The following ZNF208 variants were observed in gnomAD, a reference collection of about 807,000 sequenced individuals.
The protein encoded by ZNF208 is zinc finger protein 95.
Under a neutral mutation model 12.1 loss-of-function variants are expected in ZNF208, and 10 were observed. The observed-to-expected ratio is 0.83, with a 90% confidence interval of 0.51 to 1.40. The LOEUF is 1.40. ZNF208 is among the 40% of genes most tolerant of loss of function. The probability of loss-of-function intolerance (pLI) is 0.00; values close to 1 mark genes in which losing one functional copy is unlikely to be tolerated. For synonymous variants in ZNF208, 497 were observed against 488.4 expected, an observed-to-expected ratio of 1.02 and a Z score of -0.23; for missense variants, 1,652 against 1,485.0, an observed-to-expected ratio of 1.11 and a Z score of -1.85.
At chr19:21,958,640 C>G (rs574014724) in intron 4 of ZNF208, among the ~76,000 whole-genome samples, 1 of 152,168 alleles carries the variant, frequency 6.6e-6, no homozygotes, top group South Asian at 2.1e-4. Flanking sequence ...TTCTTTTTCC[C>G]TAAAAACTAT....
chr19:22,000,031 T>TA (rs1454556946), intron 1 of ZNF208, among the ~76,000 whole-genome samples: 3 of 152,092 alleles, frequency 2.0e-5, no homozygotes, highest in Non-Finnish European at 4.4e-5. Context: ...GAAGGTGTTA[T>TA]AAAAAAACTC....
rs762920895 is a variant in ZNF208 at position 21,971,654 on chromosome 19, A to T, written c.3380T>A (p.Ile1127Asn). The T allele has an allele frequency of 1.9e-5, 31 of 1,610,982 alleles. No homozygotes were observed. The South Asian group carries it at 3.4e-4, about 18-fold the overall frequency. The stretch of plus-strand genomic sequence containing the variant: ...ATGAATTACCTTATGTTTAGTAAGG[A>T]TTGAGAACGTACTAAAGCTTTTGCC... Reference protein sequence around the residue: ...ECGKSFSTFSILTKHKVIHTG... With the variant: ...ECGKSFSTFSNLTKHKVIHTG... Residue 1127 changes from isoleucine to asparagine, a missense_variant, in exon 4 of 4, where the codon ATC (isoleucine) becomes AAC (asparagine). This residue lies in a region of ZNF208 where 1,239 missense variants were observed against 1,086.2 expected (regional missense o/e 1.14). Transcript: ENST00000397126.
rs111366523 is a variant in ZNF208 at position 21,944,846 on chromosome 19, A to C, written c.306-11609T>G. ...ATTGAGGAAGGATGGGTAGTCAAGA[A>C]AGTGACTATGTCTTTGGGATGCAGC... On this transcript the variant is annotated intron_variant, in intron 4 of 4. Coordinates refer to the ZNF208 transcript ENST00000599916. 9.5e-3 allele frequency among the ~76,000 whole-genome samples: 1,445 copies of C among 152,318 alleles called. 22 individuals are homozygous for C. Among genetic ancestry groups the C allele is most frequent in the African/African-American group, 0.034 (1,397 of 41,572 alleles).
Position 21,974,104 on chromosome 19 carries a change from C to G in ZNF208, c.930G>C (p.Glu310Asp), listed in dbSNP as rs1166721702. 1 of 1,578,226 alleles carries G rather than the reference C, an allele frequency of 6.3e-7. No homozygotes were observed. The highest frequency in any genetic ancestry group is 1.4e-5 in the African/African-American group (1 of 73,298). ...CACATTCTTTACATTTGTAGGGCTT[C>G]TCTCCAGCATGAATTGCCTTATGTG... ...LTTHKAIHAG[E>D]KPYKCKECGK... The change falls in exon 4 of 4, where the codon GAG becomes GAC. Residue 310 changes from glutamate to aspartate, a missense_variant. Coordinates refer to ENST00000397126, the MANE Select transcript of ZNF208 (RefSeq NM_007153.3).
chr19:21,945,234 C>A (rs61479829), intron 4 of ZNF208, among the ~76,000 whole-genome samples: 5,178 of 152,242 alleles, frequency 0.034, 301 homozygotes, highest in African/African-American at 0.12. Context: ...CCAGTCTTTG[C>A]TTTCTCATTC....
intron 4 of ZNF208, among the ~76,000 whole-genome samples, chr19:21,955,214 C>T (rs142063237): frequency 3.5e-3 from 534 of 152,310 alleles, no homozygotes; most frequent in African/African-American, 0.012. Context: ...GCCTGATGGG[C>T]TTCCATTTGT....
At position 21,973,349 on chromosome 19, in the gene ZNF208, T is replaced by C. The variant is rs374596482; in HGVS notation, c.1685A>G (p.Tyr562Cys). Residue 562 changes from tyrosine (Y) to cysteine (C), a missense_variant, in exon 4 of 4, where the codon TAT becomes TGT. Physicochemically the swap from Tyr to Cys is radical, Grantham distance 194. This residue lies in a region of ZNF208 where 1,239 missense variants were observed against 1,086.2 expected (regional missense o/e 1.14). Coordinates refer to ENST00000397126, the MANE Select transcript of ZNF208 (RefSeq NM_007153.3). ...PYKCEECGKAYKWSSTLSYHK... is the reference protein window; with the variant it reads ...PYKCEECGKACKWSSTLSYHK... ...ATAACTAAGGGTTGAGGACCACTTA[T>C]AGGCTTTGCCACATTCTTCACATTT... The C allele has an allele frequency of 3.5e-5, 56 of 1,606,550 alleles. No individual in the cohort carries two copies. Among genetic ancestry groups the C allele is most frequent in the Admixed American group, 1.9e-4 (11 of 59,356 alleles).
At position 21,974,518 on chromosome 19, in the gene ZNF208, A is replaced by G. The variant is rs565249895; in HGVS notation, c.516T>C (p.His172=). The G allele has an allele frequency of 1.9e-6, 3 of 1,613,704 alleles. No individual in the cohort carries two copies. The highest frequency in any genetic ancestry group is 1.3e-5 in the African/African-American group (1 of 75,036). The change falls in exon 4 of 4, where the codon CAT becomes CAC. Residue 172 remains histidine (H), a synonymous_variant. Coordinates refer to ENST00000397126, the MANE Select transcript of ZNF208 (RefSeq NM_007153.3). ...RHKIRHTGKK[H]LQCKEYVRSF... ...ATCTGACGTATTCTTTACATTGCAAATGTTTCTTTCCAGTATGCCTTATCT... is the reference window on the plus strand; with the variant it reads ...ATCTGACGTATTCTTTACATTGCAAGTGTTTCTTTCCAGTATGCCTTATCT...
intron 1 of ZNF208, among the ~76,000 whole-genome samples, chr19:22,010,109 C>A (rs903740147): frequency 6.6e-6 from 1 of 150,968 alleles, no homozygotes; most frequent in Non-Finnish European, 1.5e-5. Flanking sequence ...GGCGTCAACC[C>A]GGGAGGCGGA....
intron 4 of ZNF208, among the ~76,000 whole-genome samples, chr19:21,947,946 A>T (rs1452001343): frequency 2.0e-5 from 3 of 152,126 alleles, no homozygotes; most frequent in Non-Finnish European, 4.4e-5. Context: ...AGGTGAGCAT[A>T]ACGTGTCCTG....
chr19:21,963,854 C>T (rs1401653036), downstream of ZNF208, among the ~76,000 whole-genome samples: 1 of 151,794 alleles, frequency 6.6e-6, no homozygotes, highest in Non-Finnish European at 1.5e-5. Flanking sequence ...TGGATATAAA[C>T]TTTATGAAAA....
At chr19:21,941,345 TA>T (rs2145507721) in intron 4 of ZNF208, 1 of 398,808 alleles carries the variant, frequency 2.5e-6, no homozygotes, top group South Asian at 1.3e-4. Context: ...TCTCGGAAAC[TA>T]ATCTTAGTGA....
intron 3 of ZNF208, among the ~76,000 whole-genome samples, chr19:21,981,970 C>A (rs1183535830): frequency 6.6e-6 from 1 of 151,960 alleles, no homozygotes; most frequent in Admixed American, 6.6e-5. Flanking sequence ...GAATAAAATA[C>A]CTAGGAATAC....
At chr19:21,992,320 G>A (rs1198079729) in intron 1 of ZNF208, among the ~76,000 whole-genome samples, 1 of 152,106 alleles carries the variant, frequency 6.6e-6, no homozygotes, top group African/African-American at 2.4e-5. Flanking sequence ...ATTGCCCCCT[G>A]AAAGGTAAAT....
At chr19:21,993,597 G>T (rs1220098572) in intron 1 of ZNF208, among the ~76,000 whole-genome samples, 1 of 152,174 alleles carries the variant, frequency 6.6e-6, no homozygotes, top group Non-Finnish European at 1.5e-5. Flanking sequence ...TCTATGAAAT[G>T]TAATTCTGCA....
At chr19:21,939,955 G>A (rs1302045019) in intron 4 of ZNF208, 1 of 152,166 alleles carries the variant, frequency 6.6e-6, no homozygotes, top group Non-Finnish European at 1.5e-5. Context: ...TACCTAGGTA[G>A]ATTGGATCCT....
At chr19:21,949,349 A>C (rs1969858545) in intron 4 of ZNF208, among the ~76,000 whole-genome samples, 1 of 152,210 alleles carries the variant, frequency 6.6e-6, no homozygotes, top group Non-Finnish European at 1.5e-5. Context: ...TTTAAAGCTC[A>C]GCTCTGTCAA....
chr19:21,947,987 G>A (rs556287794), intron 4 of ZNF208, among the ~76,000 whole-genome samples: 4 of 152,214 alleles, frequency 2.6e-5, no homozygotes, highest in Admixed American at 6.5e-5. Flanking sequence ...CATGGGTGAA[G>A]GTCATGCTCG....
chr19:21,959,535 G>C (rs1970030443), intron 4 of ZNF208, among the ~76,000 whole-genome samples: 1 of 152,180 alleles, frequency 6.6e-6, no homozygotes. Context: ...ACTGACACTG[G>C]AGAAGACCAG....
Sources: gnomAD v4.1 joint callset for allele counts (sites outside exome capture counted in the v4.1 genomes callset) on GRCh38, gnomAD v4.1.1 for gene constraint, gnomAD v4.1.1 regional missense constraint, MANE v1.5 for transcripts, NCBI Gene and HGNC (gene_info 2026-07-23, HGNC 2026-07-21) for gene names.